Variants in LRTM3 observed in about 807,000 individuals in gnomAD.
LRTM3 encodes leucine-rich repeat transmembrane protein 3.
chr13:102,730,249 C>T, the LRTM3 span: 1 of 1,551,380 alleles, frequency 6.4e-7, no homozygotes, highest in African/African-American at 1.4e-5. Flanking sequence ...GAATGCCTGT[C>T]TGTAATTCAA....
At chr13:102,746,867 G>C in the LRTM3 span, 1 of 1,551,294 alleles carries the variant, frequency 6.4e-7, no homozygotes, top group Non-Finnish European at 8.7e-7. Flanking sequence ...CTCTGAATCT[G>C]CAGTGCATTT....
At chr13:102,729,497 A>C in the LRTM3 span, 1 of 1,465,538 alleles carries the variant, frequency 6.8e-7, no homozygotes, top group East Asian at 2.5e-5. Flanking sequence ...CGACCCCAAC[A>C]ACTTTTTGGA....
chr13:102,741,016 T>C, the LRTM3 span: 1 of 1,550,228 alleles, frequency 6.5e-7, no homozygotes, highest in East Asian at 2.4e-5. Flanking sequence ...ATGCTTTCTC[T>C]ACCATTGGGC....
chr13:102,753,849 C>G, the LRTM3 span, among the ~76,000 whole-genome samples: 16 of 152,134 alleles, frequency 1.1e-4, no homozygotes, highest in Non-Finnish European at 1.2e-4. Flanking sequence ...TAGGCTCAGT[C>G]TAATATAGTA....
the LRTM3 span, among the ~76,000 whole-genome samples, chr13:102,751,872 A>G: frequency 6.6e-6 from 1 of 152,166 alleles, no homozygotes; most frequent in South Asian, 2.1e-4. Flanking sequence ...GGGGACCCCA[A>G]AGGAATCTTG....
At chr13:102,729,519 T>C in the LRTM3 span, 1 of 1,486,380 alleles carries the variant, frequency 6.7e-7, no homozygotes. Context: ...GAACTCCATA[T>C]ATTCCAAGAA....
the LRTM3 span, chr13:102,733,686 T>G: frequency 1.3e-6 from 2 of 1,551,314 alleles, no homozygotes; most frequent in Admixed American, 3.9e-5. Flanking sequence ...CTTTTCCCAC[T>G]TCTTATGGTA....
chr13:102,741,925 G>A, the LRTM3 span: 1 of 1,550,434 alleles, frequency 6.4e-7, no homozygotes, highest in Non-Finnish European at 8.7e-7. Context: ...CTTCTGAAAT[G>A]CTTTGGTGTT....
chr13:102,729,768 C>A, the LRTM3 span: 4 of 1,551,774 alleles, frequency 2.6e-6, no homozygotes, highest in Non-Finnish European at 3.5e-6. Flanking sequence ...TAATCATACA[C>A]TCTCTTCTTT....
At chr13:102,740,890 A>G in the LRTM3 span, 6 of 1,550,044 alleles carry the variant, frequency 3.9e-6, no homozygotes, top group Non-Finnish European at 5.2e-6. Context: ...AGTGAGAAAC[A>G]GATGCTGGAA....
the LRTM3 span, chr13:102,746,399 A>T: frequency 6.4e-7 from 1 of 1,551,006 alleles, no homozygotes; most frequent in Non-Finnish European, 8.7e-7. Context: ...TCCTTGCTTT[A>T]ATTGAGACGC....
the LRTM3 span, chr13:102,736,709 A>G: frequency 6.5e-7 from 1 of 1,550,224 alleles, no homozygotes; most frequent in African/African-American, 1.4e-5. Context: ...TGTTTTTAGT[A>G]TATGGGAAAG....
At chr13:102,730,075 T>C in the LRTM3 span, 1 of 1,551,204 alleles carries the variant, frequency 6.4e-7, no homozygotes, top group African/African-American at 1.4e-5. Context: ...AGTCAGGAGA[T>C]TTCATTTTGG....
At chr13:102,730,695 C>A in the LRTM3 span, 1 of 1,551,926 alleles carries the variant, frequency 6.4e-7, no homozygotes, top group Middle Eastern at 1.7e-4. Flanking sequence ...AGTTCTGTAT[C>A]AATGGAAAGA....
the LRTM3 span, chr13:102,745,472 T>G: frequency 3.9e-6 from 6 of 1,550,922 alleles, no homozygotes; most frequent in South Asian, 7.1e-5. Flanking sequence ...TTCTTTCATT[T>G]TGGTTGTCAA....
the LRTM3 span, chr13:102,730,706 C>T: frequency 1.3e-6 from 2 of 1,551,946 alleles, no homozygotes; most frequent in Non-Finnish European, 1.7e-6. Flanking sequence ...AATGGAAAGA[C>T]TACCACTTTG....
the LRTM3 span, chr13:102,729,729 T>C: frequency 6.4e-7 from 1 of 1,552,014 alleles, no homozygotes; most frequent in South Asian, 1.2e-5. Flanking sequence ...TTATGTTTGC[T>C]TTGGAAACAA....
the LRTM3 span, chr13:102,741,963 C>G: frequency 6.4e-7 from 1 of 1,550,498 alleles, no homozygotes; most frequent in Non-Finnish European, 8.7e-7. Context: ...ATATCTTGTT[C>G]CTGTTTTCTA....
chr13:102,731,714 A>G, the LRTM3 span: 2 of 1,551,328 alleles, frequency 1.3e-6, no homozygotes, highest in African/African-American at 1.4e-5. Context: ...AACTATTTTG[A>G]CTTCGCTACT....
Sources: allele counts gnomAD v4.1 joint callset (sites outside exome capture counted in the v4.1 genomes callset), GRCh38; gene constraint gnomAD v4.1.1; transcripts MANE v1.5; gene names NCBI Gene and HGNC (gene_info 2026-07-23, HGNC 2026-07-21).